The following LUZP2 variants were observed in gnomAD, a reference collection of about 807,000 sequenced individuals.
The protein encoded by LUZP2 is leucine zipper protein 2.
Under a neutral mutation model 51.6 loss-of-function variants are expected in LUZP2, and 52 were observed. The ratio of observed to expected loss-of-function variants is 1.01; its 90% CI spans 0.81 to 1.27. The LOEUF (loss-of-function observed/expected upper bound fraction) is 1.27, where lower values mean the gene tolerates loss of function less well. Among genes scored for constraint, LUZP2 ranks in the 50% most tolerant of loss-of-function variants. LUZP2 has a pLI of 0.00. For synonymous variants in LUZP2, 154 were observed against 137.3 expected, an observed-to-expected ratio of 1.12 and a Z score of -0.85; for missense variants, 436 against 395.4, an observed-to-expected ratio of 1.10 and a Z score of -0.87.
intron 5 of LUZP2, among the ~76,000 whole-genome samples, chr11:24,769,542 A>G (rs1860322576): frequency 6.7e-6 from 1 of 149,606 alleles, no homozygotes; most frequent in African/African-American, 2.6e-5. Flanking sequence ...TAATAAAACA[A>G]AAATAACTTA....
intron 9 of LUZP2, among the ~76,000 whole-genome samples, chr11:24,995,815 T>G (rs1225238764): frequency 1.3e-5 from 2 of 152,028 alleles, no homozygotes; most frequent in African/African-American, 4.8e-5. Context: ...TGGTTTGGTT[T>G]TCACTTGCTG....
intron 1 of LUZP2, among the ~76,000 whole-genome samples, chr11:24,627,144 G>A (rs1854711691): frequency 6.6e-6 from 1 of 152,100 alleles, no homozygotes; most frequent in Admixed American, 6.6e-5. Context: ...GATAATACAG[G>A]GAGATGCTCC....
intron 7 of LUZP2, among the ~76,000 whole-genome samples, chr11:24,957,339 C>A (rs1855239489): frequency 6.6e-6 from 1 of 152,046 alleles, no homozygotes; most frequent in Non-Finnish European, 1.5e-5. Flanking sequence ...ATGTCAATTT[C>A]TCTAAATATT....
At chr11:24,871,563 A>T (rs923776148) in intron 5 of LUZP2, among the ~76,000 whole-genome samples, 3 of 152,158 alleles carry the variant, frequency 2.0e-5, no homozygotes, top group Admixed American at 1.3e-4. Context: ...AGTATAAGTT[A>T]TGCAACTTCT....
chr11:24,508,308 C>T lies in LUZP2; in HGVS notation c.62+11003C>T, dbSNP rs368178482. On this transcript the variant is annotated intron_variant, in intron 1 of 11. Transcript: ENST00000336930. The stretch of plus-strand genomic sequence containing the variant: ...TGTGGGTTCTAGTTGCATGCCCTTC[C>T]GCAAATAAATAAGTAGCCAAAATTT... Among the ~76,000 whole-genome samples the T allele has an allele frequency of 7.2e-5, 11 of 152,044 alleles. No individual in the cohort carries two copies. In the South Asian group the frequency reaches 1.5e-3, roughly 20 times the overall value.
chr11:24,669,130 AC>A (rs1401052797), intron 1 of LUZP2, among the ~76,000 whole-genome samples: 1 of 152,140 alleles, frequency 6.6e-6, no homozygotes, highest in African/African-American at 2.4e-5. Context: ...GACAGTAACT[AC>A]CTTTGTGACA....
rs959711735 is a variant in LUZP2, at chr11:24,769,598, G to A, written c.396+6290G>A. Among the ~76,000 whole-genome samples, 3 of 151,672 alleles carry A rather than the reference G, an allele frequency of 2.0e-5. No individual in the cohort carries two copies. The East Asian group carries it at 5.8e-4, about 29-fold the overall frequency. On this transcript the variant is annotated intron_variant, in intron 5 of 11. Coordinates refer to ENST00000336930, the MANE Select transcript of LUZP2 (RefSeq NM_001009909.4). ...GATAAAATAATGAAAAACACATTCT[G>A]TCTTGAATTAGTCAGTAGATAGACA...
intron 5 of LUZP2, among the ~76,000 whole-genome samples, chr11:24,901,479 T>G (rs992056882): frequency 5.9e-5 from 9 of 152,074 alleles, no homozygotes; most frequent in African/African-American, 2.2e-4. Context: ...GAAAACTATT[T>G]GAGAAAAAAT....
chr11:24,993,129 A>G (rs1405935147), intron 9 of LUZP2, among the ~76,000 whole-genome samples: 1 of 152,160 alleles, frequency 6.6e-6, no homozygotes, highest in African/African-American at 2.4e-5. Flanking sequence ...GAAACATGGT[A>G]AATTGTAAAG....
intron 1 of LUZP2, among the ~76,000 whole-genome samples, chr11:24,546,963 TTGGTGG>T (rs79607613): frequency 9.5e-6 from 1 of 105,504 alleles, no homozygotes; most frequent in Non-Finnish European, 2.0e-5. Context: ...GTTGTTGTTG[TTGGTGG>T]TGGTGGTGGT....
intron 5 of LUZP2, among the ~76,000 whole-genome samples, chr11:24,816,970 C>T (rs1370315578): frequency 1.3e-5 from 2 of 151,992 alleles, no homozygotes; most frequent in East Asian, 1.9e-4. Flanking sequence ...TATTTTAAGA[C>T]ATAACCCATT....
At chr11:24,854,162 G>A (rs1564994914) in intron 5 of LUZP2, among the ~76,000 whole-genome samples, 2 of 152,210 alleles carry the variant, frequency 1.3e-5, no homozygotes, top group Non-Finnish European at 1.5e-5. Flanking sequence ...TGGGAGATCT[G>A]CTGCTCTCTT....
At chr11:24,984,539 T>TAATATATATA (rs1478908379) in intron 9 of LUZP2, among the ~76,000 whole-genome samples, 6 of 93,894 alleles carry the variant, frequency 6.4e-5, no homozygotes, top group African/African-American at 9.8e-5. Flanking sequence ...TATATATATA[T>TAATATATATA]ATATATATAT....
intron 1 of LUZP2, among the ~76,000 whole-genome samples, chr11:24,720,613 T>A (rs1420112408): frequency 6.6e-6 from 1 of 152,232 alleles, no homozygotes; most frequent in Non-Finnish European, 1.5e-5. Flanking sequence ...AAACAAGCAC[T>A]TATTTTTCAA....
At chr11:24,909,501 A>G (rs79905123) in intron 6 of LUZP2, among the ~76,000 whole-genome samples, 7,533 of 135,716 alleles carry the variant, frequency 0.056, 507 homozygotes, top group African/African-American at 0.19. Context: ...ATTTTGAGGG[A>G]AAAAAAAAAA....
chr11:24,882,351 A>T (rs1360342812), intron 5 of LUZP2, among the ~76,000 whole-genome samples: 1 of 148,140 alleles, frequency 6.8e-6, no homozygotes, highest in African/African-American at 2.6e-5. Context: ...GAGTTCTGAT[A>T]TGCTCCTTTC....
At chr11:24,762,696 C>A (rs2134031812) in intron 4 of LUZP2, among the ~76,000 whole-genome samples, 1 of 152,162 alleles carries the variant, frequency 6.6e-6, no homozygotes, top group East Asian at 1.9e-4. Flanking sequence ...GCAGGTAATG[C>A]TATTTTTAGG....
At chr11:24,960,800 G>A (rs531916331) in intron 7 of LUZP2, among the ~76,000 whole-genome samples, 191 of 152,128 alleles carry the variant, frequency 1.3e-3, no homozygotes, top group African/African-American at 2.9e-3. Flanking sequence ...TTTTGAATGT[G>A]TTTGCTCTTG....
intron 1 of LUZP2, among the ~76,000 whole-genome samples, chr11:24,631,649 G>T (rs112608065): frequency 2.6e-3 from 391 of 152,024 alleles, no homozygotes; most frequent in African/African-American, 9.0e-3. Context: ...AGGGATATCG[G>T]TCTGTAGTTG....
Sources: gnomAD v4.1 joint callset for allele counts (sites outside exome capture counted in the v4.1 genomes callset) on GRCh38, gnomAD v4.1.1 for gene constraint, MANE v1.5 for transcripts, NCBI Gene and HGNC (gene_info 2026-07-23, HGNC 2026-07-21) for gene names.